Variants in CAP2 observed in about 807,000 individuals in gnomAD.
CAP2 encodes the protein cyclase associated actin cytoskeleton regulatory protein 2.
CAP2 carries 24 observed loss-of-function variants against 57.7 expected under a neutral mutation model. The observed-to-expected ratio is 0.42, with a 90% CI of 0.30 to 0.58. CAP2 has a LOEUF of 0.58. Ranked by LOEUF, CAP2 falls within the 20% of genes least tolerant of loss-of-function variation. The pLI, the probability that CAP2 is intolerant of heterozygous loss-of-function variation, is 0.22. For missense variants in CAP2, 501 were observed against 590.3 expected (o/e 0.85, Z 1.57); for synonymous variants, 194 against 207.2 (o/e 0.94, Z 0.55).
At chr6:17,507,596 A>ATT in intron 5 of CAP2, 45 bp from the exon 6 acceptor site, 3 of 1,130,374 alleles carry the variant, frequency 2.7e-6, no homozygotes, top group Admixed American at 1.8e-5. Flanking sequence ...TTCTTATCCT[A>ATT]TTTTTTTTTC....
At chr6:17,431,644 G>C (rs1238616036) in intron 3 of CAP2, among the ~76,000 whole-genome samples, 1 of 152,180 alleles carries the variant, frequency 6.6e-6, no homozygotes, top group Non-Finnish European at 1.5e-5. Flanking sequence ...GTGGCAAAAT[G>C]AGAAGTCTCT....
chr6:17,421,179 G>C (rs1759434079), intron 1 of CAP2, among the ~76,000 whole-genome samples: 1 of 152,130 alleles, frequency 6.6e-6, no homozygotes, highest in Admixed American at 6.5e-5. Context: ...ATAAGTGGGA[G>C]CTAAGCTATG....
intron 1 of CAP2, among the ~76,000 whole-genome samples, chr6:17,396,151 A>T (rs1274394272): frequency 6.6e-6 from 1 of 152,200 alleles, no homozygotes; most frequent in Non-Finnish European, 1.5e-5. Context: ...GTCAGATAAT[A>T]ACAAATACTG....
intron 1 of CAP2, among the ~76,000 whole-genome samples, chr6:17,400,096 C>T (rs370053276): frequency 2.6e-4 from 40 of 152,026 alleles, no homozygotes; most frequent in African/African-American, 8.7e-4. Flanking sequence ...CATGGTGGCA[C>T]GTGCCTGTAG....
chr6:17,436,944 C>G (rs1759907789), intron 3 of CAP2, among the ~76,000 whole-genome samples: 1 of 152,116 alleles, frequency 6.6e-6, no homozygotes, highest in Admixed American at 6.5e-5. Context: ...AGCATAAACC[C>G]TATGGTGAAC....
At chr6:17,474,702 T>C (rs1761103825) in intron 4 of CAP2, among the ~76,000 whole-genome samples, 1 of 152,056 alleles carries the variant, frequency 6.6e-6, no homozygotes, top group Non-Finnish European at 1.5e-5. Flanking sequence ...ATAACTGTTA[T>C]TTTAGAAACA....
chr6:17,543,096 G>C lies in CAP2; in HGVS notation c.1162G>C (p.Val388Leu), dbSNP rs1486755707. The C allele has an allele frequency of 6.2e-7, 1 of 1,614,178 alleles. No individual in the cohort carries two copies. Among genetic ancestry groups the C allele is most frequent in the Non-Finnish European group, 8.5e-7 (1 of 1,180,010 alleles). ...CKKLGLVFDN[V>L]VGIVEVINSQ... ...AAAACTCGGCCTGGTGTTTGACAAT[G>C]TGGTGGGCATTGTGGAAGTGATCAA... The change falls in exon 11 of 13, where the codon GTG becomes CTG. Residue 388 changes from valine to leucine, a missense_variant. By Grantham distance (32) the Val-to-Leu change is conservative. Coordinates refer to ENST00000229922, the MANE Select transcript of CAP2 (RefSeq NM_006366.3).
At chr6:17,428,487 T>C (rs1251357407) in intron 3 of CAP2, among the ~76,000 whole-genome samples, 1 of 152,118 alleles carries the variant, frequency 6.6e-6, no homozygotes, top group Non-Finnish European at 1.5e-5. Context: ...CCATTTTCAG[T>C]ATAGATTCAC....
At chr6:17,399,841 GC>G (rs1758763331) in intron 1 of CAP2, among the ~76,000 whole-genome samples, 1 of 152,138 alleles carries the variant, frequency 6.6e-6, no homozygotes, top group Admixed American at 6.5e-5. Context: ...GTTCCAAGAG[GC>G]TGAACATAGA....
Position 17,417,910 on chromosome 6 carries a change from A to T in CAP2, c.-1-3645A>T, listed in dbSNP as rs1469779302. Among the ~76,000 whole-genome samples, 3 of 151,866 alleles carry T rather than the reference A, an allele frequency of 2.0e-5. No individual in the cohort carries two copies. In the South Asian group the frequency reaches 6.2e-4, roughly 32 times the overall value. On this transcript the variant is annotated intron_variant, in intron 1 of 12. Coordinates refer to ENST00000229922, the MANE Select transcript of CAP2 (RefSeq NM_006366.3). ...TCCTTGGTCTATCCCCCTGGCTCTG[A>T]CTCATTCCTTACCCTGACCTTGCTG...
intron 4 of CAP2, among the ~76,000 whole-genome samples, chr6:17,466,629 G>A (rs2113602798): frequency 6.6e-6 from 1 of 152,322 alleles, no homozygotes; most frequent in African/African-American, 2.4e-5. Flanking sequence ...GGTCTCAAGT[G>A]GGGTGCAAGA....
At chr6:17,541,297 T>TA in intron 9 of CAP2, 149 bp downstream of exon 9, 1 of 616,694 alleles carries the variant, frequency 1.6e-6, no homozygotes, top group East Asian at 2.8e-5. Context: ...GTACCTGTGA[T>TA]ATTTTGTTAC....
intron 1 of CAP2, among the ~76,000 whole-genome samples, chr6:17,418,132 G>A (rs879512205): frequency 1.3e-5 from 2 of 152,104 alleles, no homozygotes; most frequent in South Asian, 4.1e-4. Flanking sequence ...AGGGTATATC[G>A]GGAGACAGAC....
At chr6:17,540,620 G>A (rs758099898) in intron 8 of CAP2, among the ~76,000 whole-genome samples, 1 of 152,092 alleles carries the variant, frequency 6.6e-6, no homozygotes, top group Non-Finnish European at 1.5e-5. Flanking sequence ...AGCGTGTGGT[G>A]GTGCATGCCT....
chr6:17,486,855 G>A (rs1016245611), intron 4 of CAP2, among the ~76,000 whole-genome samples: 1 of 152,042 alleles, frequency 6.6e-6, no homozygotes, highest in African/African-American at 2.4e-5. Flanking sequence ...GACATGCCAG[G>A]ATATCTGGAA....
At chr6:17,486,334 G>T (rs987900161) in intron 4 of CAP2, among the ~76,000 whole-genome samples, 1 of 152,226 alleles carries the variant, frequency 6.6e-6, no homozygotes, top group Non-Finnish European at 1.5e-5. Context: ...GGTCAGGTGT[G>T]GGGGCTCATG....
intron 1 of CAP2, among the ~76,000 whole-genome samples, chr6:17,401,355 G>A (rs559008823): frequency 5.3e-5 from 8 of 152,176 alleles, no homozygotes; most frequent in Non-Finnish European, 1.2e-4. Context: ...CCAGAACTGT[G>A]AGAAATAAAT....
intron 4 of CAP2, among the ~76,000 whole-genome samples, chr6:17,476,975 G>A (rs1761164395): frequency 7.0e-6 from 1 of 143,088 alleles, no homozygotes; most frequent in Admixed American, 7.4e-5. Flanking sequence ...GGGTTCAAGT[G>A]ATCCTCCTGC....
intron 1 of CAP2, among the ~76,000 whole-genome samples, chr6:17,403,575 T>A (rs1394459402): frequency 6.6e-6 from 1 of 152,246 alleles, no homozygotes; most frequent in Non-Finnish European, 1.5e-5. Context: ...CTACTAATAG[T>A]AACAATGGTA....
Sources: gnomAD v4.1 joint callset for allele counts (sites outside exome capture counted in the v4.1 genomes callset) on GRCh38, gnomAD v4.1.1 for gene constraint, MANE v1.5 for transcripts, NCBI Gene and HGNC (gene_info 2026-07-23, HGNC 2026-07-21) for gene names.